Variants in SLC44A1 observed in about 807,000 individuals in gnomAD.
SLC44A1 encodes choline transporter-like protein 1.
In SLC44A1, 26 loss-of-function variants were observed where a neutral mutation model predicts 79.3. The ratio of observed to expected loss-of-function variants is 0.33; its 90% confidence interval spans 0.24 to 0.46. SLC44A1 has a LOEUF of 0.46. Among genes scored for constraint, SLC44A1 ranks in the 20% least tolerant of loss-of-function variants. The pLI is 1.00. For synonymous variants in SLC44A1, 263 were observed against 286.2 expected (o/e 0.92, Z 0.82); for missense variants, 688 against 798.1 (o/e 0.86, Z 1.66).
rs1238211230 is a variant in SLC44A1 at position 105,351,606 on chromosome 9, G to GA, written c.500+3158dup. On this transcript the variant is annotated intron_variant, in intron 5 of 15. Coordinates refer to ENST00000374720, the MANE Select transcript of SLC44A1 (RefSeq NM_080546.5). The stretch of plus-strand genomic sequence containing the variant: ...AGAGAAAGAGAGAAAGAGAAAGAAA[G>GA]AAAGAAAGAAAGAAAGAGAGAGAAA... Among the ~76,000 whole-genome samples the GA allele has an allele frequency of 5.3e-5, 6 of 113,032 alleles. No homozygotes were observed. The East Asian group carries it at 1.4e-3, about 26-fold the overall frequency. The allele number at this position is 113,032 out of a possible 152,430, so 74.2% of individuals were successfully genotyped here.
chr9:105,438,163 ACATTT>A, intron 15 of SLC44A1: 1 of 775,550 alleles, frequency 1.3e-6, no homozygotes. Flanking sequence ...TAGCCTTCTT[ACATTT>A]CATAATGTTT....
intron 4 of SLC44A1, among the ~76,000 whole-genome samples, chr9:105,344,240 T>G (rs1176713174): frequency 6.6e-6 from 1 of 152,180 alleles, no homozygotes; most frequent in Non-Finnish European, 1.5e-5. Flanking sequence ...AAACAAAATT[T>G]TAAAGCAAGA....
At chr9:105,401,192 T>A (rs1184400491), downstream of SLC44A1, among the ~76,000 whole-genome samples, 2 of 152,248 alleles carry the variant, frequency 1.3e-5, no homozygotes, top group African/African-American at 4.8e-5. Context: ...TGATTATGGT[T>A]ATCTCTGTTT....
intron 13 of SLC44A1, among the ~76,000 whole-genome samples, chr9:105,376,988 C>T (rs1828311528): frequency 6.6e-6 from 1 of 152,184 alleles, no homozygotes; most frequent in Non-Finnish European, 1.5e-5. Flanking sequence ...ATAATTGCCT[C>T]AGCTGACATT....
At chr9:105,253,905 A>G (rs1829644775) in intron 1 of SLC44A1, among the ~76,000 whole-genome samples, 1 of 152,084 alleles carries the variant, frequency 6.6e-6, no homozygotes, top group South Asian at 2.1e-4. Flanking sequence ...ATGTATTTTT[A>G]GTAGAGATGA....
intron 1 of SLC44A1, among the ~76,000 whole-genome samples, chr9:105,261,873 A>G (rs1228548129): frequency 3.5e-5 from 5 of 142,528 alleles, no homozygotes; most frequent in Non-Finnish European, 6.0e-5. Context: ...TCTGCCTCCC[A>G]GGTTCAAGTG....
chr9:105,400,656 A>G (rs1828946975), downstream of SLC44A1, among the ~76,000 whole-genome samples: 1 of 152,196 alleles, frequency 6.6e-6, no homozygotes, highest in Admixed American at 6.5e-5. Flanking sequence ...AAGTGCAATA[A>G]TATGAAATAT....
In SLC44A1 at chr9:105,256,480, C is replaced by T. The variant is rs187958765; in HGVS notation, c.36+11576C>T. On this transcript the variant is annotated intron_variant, in intron 1 of 15. Transcript: ENST00000374720. ...GTTTCAGGGCTAATATGAGACTCCT[C>T]GTTTATCAAAGACCCACTCTCCTTT... Among the ~76,000 whole-genome samples, 214 of 151,966 alleles carry T rather than the reference C, an allele frequency of 1.4e-3. 2 individuals carry two copies. The highest frequency in any genetic ancestry group is 2.6e-3 in the Non-Finnish European group (178 of 67,960).
chr9:105,418,822 AT>A, intron 15 of SLC44A1, among the ~76,000 whole-genome samples: 1 of 152,182 alleles, frequency 6.6e-6, no homozygotes, highest in East Asian at 1.9e-4. Context: ...ATTAGCAGAT[AT>A]TGTCTAACAG....
In SLC44A1 at chr9:105,321,764, TC is replaced by T. The variant is rs1262673726; in HGVS notation, c.269+11899del. The stretch of plus-strand genomic sequence containing the variant: ...TAATACTTGTTTTATTAAAATAAAA[TC>T]TAACAGGATATATGTGGGACCAAAT... On this transcript the variant is annotated intron_variant, in intron 3 of 15. Transcript: ENST00000374720. 2.0e-5 allele frequency among the ~76,000 whole-genome samples: 3 copies of T among 151,458 alleles called. No individual in the cohort carries two copies. The East Asian group carries it at 5.8e-4, about 29-fold the overall frequency.
At chr9:105,435,735 C>T (rs1829455730) in intron 15 of SLC44A1, among the ~76,000 whole-genome samples, 1 of 152,126 alleles carries the variant, frequency 6.6e-6, no homozygotes, top group Non-Finnish European at 1.5e-5. Context: ...GAGGACCTTA[C>T]AGTATGGAGT....
chr9:105,307,738 A>G (rs1461113431), intron 2 of SLC44A1, among the ~76,000 whole-genome samples: 1 of 152,296 alleles, frequency 6.6e-6, no homozygotes, highest in South Asian at 2.1e-4. Context: ...AGGGCTTCCT[A>G]ATTTGGAATT....
chr9:105,345,641 T>C (rs1463741568), intron 4 of SLC44A1, among the ~76,000 whole-genome samples: 1 of 152,114 alleles, frequency 6.6e-6, no homozygotes, highest in Non-Finnish European at 1.5e-5. Flanking sequence ...GGAGTTGATA[T>C]AACTGATACT....
intron 1 of SLC44A1, among the ~76,000 whole-genome samples, chr9:105,282,711 G>A: frequency 6.6e-6 from 1 of 152,044 alleles, no homozygotes; most frequent in Non-Finnish European, 1.5e-5. Flanking sequence ...ACCATGCCCG[G>A]CTAATTTTTG....
Position 105,390,285 on chromosome 9 carries a change from T to C in SLC44A1, c.*1229T>C. 2.0e-6 allele frequency: 2 copies of C among 1,015,554 alleles called. No individual in the cohort carries two copies. The highest frequency in any genetic ancestry group is 2.4e-6 in the Non-Finnish European group (2 of 849,766). The allele number at this position is 1,015,554 out of a possible 1,614,324, so 62.9% of individuals were successfully genotyped here. On this transcript the variant is annotated 3_prime_UTR_variant, in exon 16 of 16. Coordinates refer to ENST00000374720, the MANE Select transcript of SLC44A1 (RefSeq NM_080546.5). ...GTGAATGCTTTAAGAAAAAAAAGTGTAATTTGCTAAGAATAATTCATGATC... is the reference window on the plus strand; with the variant it reads ...GTGAATGCTTTAAGAAAAAAAAGTGCAATTTGCTAAGAATAATTCATGATC...
chr9:105,383,638 G>C (rs1055779345), intron 14 of SLC44A1, among the ~76,000 whole-genome samples: 1 of 152,170 alleles, frequency 6.6e-6, no homozygotes, highest in African/African-American at 2.4e-5. Flanking sequence ...TAGTTAGATA[G>C]ATTTGAATTG....
intron 1 of SLC44A1, among the ~76,000 whole-genome samples, chr9:105,245,233 T>G (rs944249997): frequency 1.3e-5 from 2 of 151,896 alleles, no homozygotes; most frequent in African/African-American, 4.8e-5. Context: ...CACTGGCGCC[T>G]CCTCTGCCCC....
intron 15 of SLC44A1, among the ~76,000 whole-genome samples, chr9:105,387,536 CTTCTACTGCT>C (rs1828664794): frequency 6.6e-6 from 1 of 152,070 alleles, no homozygotes; most frequent in East Asian, 1.9e-4. Flanking sequence ...GGCTTCCTTC[CTTCTACTGCT>C]TGGAGGTCCT....
At chr9:105,413,325 C>A (rs1588875545) in intron 15 of SLC44A1, among the ~76,000 whole-genome samples, 1 of 152,130 alleles carries the variant, frequency 6.6e-6, no homozygotes, top group Non-Finnish European at 1.5e-5. Flanking sequence ...TTGAAGTGGT[C>A]GTATGACATA....
Sources: gnomAD v4.1 joint callset for allele counts (sites outside exome capture counted in the v4.1 genomes callset) on GRCh38, gnomAD v4.1.1 for gene constraint, MANE v1.5 for transcripts, NCBI Gene and HGNC (gene_info 2026-07-23, HGNC 2026-07-21) for gene names.